HYDIN: variants seen among roughly 807,000 people sequenced by gnomAD.
HYDIN encodes HYDIN axonemal central pair apparatus protein, also known as axonemal central pair apparatus protein HYDIN.
A neutral mutation model predicts 403.9 loss-of-function variants in HYDIN; 132 were observed. The observed-to-expected ratio is 0.33, with a 90% CI of 0.28 to 0.38. The LOEUF (loss-of-function observed/expected upper bound fraction) is 0.38. Among genes scored for constraint, HYDIN ranks in the 10% least tolerant of loss-of-function variants. The pLI is 1.00. For missense variants in HYDIN, 2,827 were observed against 5,009.5 expected (o/e 0.56, Z 13.15); for synonymous variants, 1,202 against 1,891.7 (o/e 0.64, Z 9.46).
intron 23 of HYDIN, among the ~76,000 whole-genome samples, chr16:70,993,081 A>G (rs376389509): frequency 2.1e-4 from 32 of 152,162 alleles, no homozygotes; most frequent in African/African-American, 7.0e-4. Flanking sequence ...TATTATGTGA[A>G]GCTCCCACCA....
At chr16:70,989,283 C>T (rs1872370784) in intron 25 of HYDIN, among the ~76,000 whole-genome samples, 1 of 152,100 alleles carries the variant, frequency 6.6e-6, no homozygotes, top group Non-Finnish European at 1.5e-5. Context: ...AAGCCATCCT[C>T]CTGCCTTGGC....
chr16:70,877,278 C>T (rs2040503294), intron 62 of HYDIN, among the ~76,000 whole-genome samples: 1 of 149,786 alleles, frequency 6.7e-6, no homozygotes, highest in African/African-American at 2.5e-5. Flanking sequence ...GAAATAGAAA[C>T]AATATTTAAA....
At chr16:71,170,521 G>A (rs1002780536) in intron 5 of HYDIN, among the ~76,000 whole-genome samples, 2 of 152,064 alleles carry the variant, frequency 1.3e-5, no homozygotes, top group African/African-American at 2.4e-5. Context: ...TCTAAACAAC[G>A]TGATAGGAAT....
At position 70,862,181 on chromosome 16, in the gene HYDIN, A is replaced by G. The variant is rs1243804189; in HGVS notation, c.11644T>C (p.Trp3882Arg). 7.4e-6 allele frequency: 12 copies of G among 1,613,448 alleles called. No individual in the cohort carries two copies. The highest frequency in any genetic ancestry group is 1.0e-5 in the Non-Finnish European group (12 of 1,179,824). Residue 3882 changes from tryptophan (W) to arginine (R), a missense_variant, in exon 69 of 86, where the codon TGG (tryptophan) becomes CGG (arginine). Transcript: ENST00000393567. ...GSTLDSTMDHWAEGSPQPFSV... is the reference protein window; with the variant it reads ...GSTLDSTMDHRAEGSPQPFSV... ...AAGGGCTGTGGGGAACCCTCGGCCC[A>G]GTGGTCCATGGTGCTGTCCAGGGTG...
At chr16:71,186,697 C>A in intron 2 of HYDIN, 64 bp downstream of exon 2, 1 of 1,296,770 alleles carries the variant, frequency 7.7e-7, no homozygotes, top group South Asian at 1.4e-5. Flanking sequence ...TGCCAAGTAG[C>A]AACTGTCATT....
intron 75 of HYDIN, among the ~76,000 whole-genome samples, chr16:70,847,981 C>T: frequency 7.1e-6 from 1 of 140,872 alleles, no homozygotes; most frequent in Admixed American, 7.3e-5. Context: ...ATTCTTTTTC[C>T]TTTTTGTTCT....
At chr16:71,182,777 G>C (rs1468551193) in intron 3 of HYDIN, among the ~76,000 whole-genome samples, 7 of 151,940 alleles carry the variant, frequency 4.6e-5, no homozygotes, top group Non-Finnish European at 8.8e-5. Flanking sequence ...TTTTTTCCTA[G>C]AAGAAGTCAC....
chr16:70,925,705 T>C (rs945925968), intron 45 of HYDIN, among the ~76,000 whole-genome samples: 1 of 150,434 alleles, frequency 6.6e-6, no homozygotes, highest in Non-Finnish European at 1.5e-5. Context: ...TTTCGCAACC[T>C]ACTCATCTGA....
Position 70,807,476 on chromosome 16 carries a change from G to T in HYDIN, c.*104C>A. 1.5e-6 allele frequency: 2 copies of T among 1,299,448 alleles called. No homozygotes were observed. The highest frequency in any genetic ancestry group is 1.1e-6 in the Non-Finnish European group (1 of 943,940). The allele number at this position is 1,299,448 out of a possible 1,614,324, so 80.5% of individuals were successfully genotyped here. Reference sequence around the variant, plus strand: ...AAATAACTGCCCTATAATTGTATGAGAAGAATAAAAACAGTTCCTTTAGAA... The same window carrying T: ...AAATAACTGCCCTATAATTGTATGATAAGAATAAAAACAGTTCCTTTAGAA... On this transcript the variant is annotated 3_prime_UTR_variant, in exon 86 of 86. Coordinates refer to ENST00000393567, the MANE Select transcript of HYDIN (RefSeq NM_001270974.2).
chr16:71,184,314 T>G (rs1021024963), intron 3 of HYDIN, among the ~76,000 whole-genome samples: 3 of 152,126 alleles, frequency 2.0e-5, no homozygotes, highest in Admixed American at 6.6e-5. Context: ...AAGAAATTAA[T>G]TAAAAAATAG....
At chr16:71,044,910 G>A (rs2081404105) in intron 18 of HYDIN, among the ~76,000 whole-genome samples, 1 of 150,720 alleles carries the variant, frequency 6.6e-6, no homozygotes, top group Non-Finnish European at 1.5e-5. Flanking sequence ...TGATGATACA[G>A]GTTTGCTTCT....
At chr16:70,829,892 G>A (rs1168628833) in intron 80 of HYDIN, 62 bp from the exon 81 acceptor site, 1 of 1,448,948 alleles carries the variant, frequency 6.9e-7, no homozygotes, top group Non-Finnish European at 9.6e-7. Flanking sequence ...TCCAGGGCCA[G>A]AAGTACAGAA....
chr16:70,877,341 G>A lies in HYDIN; in HGVS notation c.10557+1956C>T, dbSNP rs2040507155. 2.0e-5 allele frequency among the ~76,000 whole-genome samples: 3 copies of A among 151,778 alleles called. No homozygotes were observed. In the South Asian group the frequency reaches 6.2e-4, roughly 32 times the overall value. On this transcript the variant is annotated intron_variant, in intron 62 of 85. Coordinates refer to ENST00000393567, the MANE Select transcript of HYDIN (RefSeq NM_001270974.2). ...ACTTAATTTTAATCCACAGAATCAA[G>A]AAGTCTAGTGAATTCTAACAAGGAT...
chr16:71,093,980 T>C, intron 10 of HYDIN, 45 bp from the exon 11 acceptor site: 1 of 1,598,672 alleles, frequency 6.3e-7, no homozygotes, highest in Middle Eastern at 1.7e-4. Flanking sequence ...GTGCTTCATT[T>C]ACCCCAAATC....
intron 83 of HYDIN, among the ~76,000 whole-genome samples, chr16:70,819,692 G>T (rs1262177834): frequency 6.7e-6 from 1 of 148,416 alleles, no homozygotes; most frequent in Non-Finnish European, 1.5e-5. Flanking sequence ...GTCTATTCAA[G>T]TGGTTTGTCC....
intron 18 of HYDIN, among the ~76,000 whole-genome samples, chr16:71,039,320 A>G (rs916046296): frequency 2.6e-5 from 4 of 152,130 alleles, no homozygotes; most frequent in Non-Finnish European, 5.9e-5. Context: ...TTATTTTCCA[A>G]ACTTCCCATC....
rs751316843 is a variant in HYDIN at position 70,874,406 on chromosome 16, T to C, written c.10847A>G (p.Asp3616Gly). The change falls in exon 64 of 86, where the codon GAC (aspartate) becomes GGC (glycine). Residue 3616 changes from aspartate (D) to glycine (G), a missense_variant. Transcript: ENST00000393567. Reference sequence around the variant, plus strand: ...GGGGGCCACCAGTCCATGGATGTTGTCCAAGGTGATGTCATCCTCATAGCC... The same window carrying C: ...GGGGGCCACCAGTCCATGGATGTTGCCCAAGGTGATGTCATCCTCATAGCC... ...GEGYEDDITL[D>G]NIHGLVAPTS... 5.5e-6 allele frequency: 3 copies of C among 549,134 alleles called. No individual in the cohort carries two copies. Among genetic ancestry groups the C allele is most frequent in the Non-Finnish European group, 9.3e-6 (3 of 322,910 alleles). The allele number at this position is 549,134 out of a possible 1,614,324, so 34.0% of individuals were successfully genotyped here. A position where few individuals can be genotyped will look rare whatever the true frequency, so the allele number is the denominator to read the frequency against.
chr16:71,129,861 T>C, intron 8 of HYDIN, 38 bp from the exon 9 acceptor site: 1 of 1,569,622 alleles, frequency 6.4e-7, no homozygotes, highest in Non-Finnish European at 8.7e-7. Context: ...ATGTGGGTAC[T>C]CCCATGAAGA....
intron 5 of HYDIN, 86 bp downstream of exon 5, chr16:71,175,521 C>T: frequency 1.6e-6 from 2 of 1,270,822 alleles, no homozygotes; most frequent in Non-Finnish European, 2.2e-6. Context: ...ACCACCACCA[C>T]CAGCACTACC....
Sources: gnomAD v4.1 joint callset for allele counts (sites outside exome capture counted in the v4.1 genomes callset) on GRCh38, gnomAD v4.1.1 for gene constraint, MANE v1.5 for transcripts, NCBI Gene and HGNC (gene_info 2026-07-23, HGNC 2026-07-21) for gene names.